DENND5B: variants seen among roughly 807,000 people sequenced by gnomAD.
DENND5B encodes DENN domain-containing protein 5B.
DENND5B carries 34 observed loss-of-function variants against 140.6 expected under a neutral mutation model. The observed-to-expected ratio is 0.24, with a 90% CI of 0.18 to 0.32. DENND5B has a LOEUF of 0.32. Among genes scored for constraint, DENND5B ranks in the 10% least tolerant of loss-of-function variants. The pLI, the probability that DENND5B is intolerant of heterozygous loss-of-function variation, is 1.00. For missense variants in DENND5B, 1,142 were observed against 1,560.2 expected, an observed-to-expected ratio of 0.73 and a Z score of 4.52; for synonymous variants, 551 against 562.1, an observed-to-expected ratio of 0.98 and a Z score of 0.28.
chr12:31,553,117 T>C (rs1023128132), intron 1 of DENND5B, among the ~76,000 whole-genome samples: 1 of 152,172 alleles, frequency 6.6e-6, no homozygotes, highest in African/African-American at 2.4e-5. Flanking sequence ...TTTGAATGTG[T>C]TTGCTCTTGC....
At chr12:31,516,068 C>T (rs1947629785) in intron 1 of DENND5B, among the ~76,000 whole-genome samples, 1 of 152,166 alleles carries the variant, frequency 6.6e-6, no homozygotes, top group African/African-American at 2.4e-5. Context: ...TAGGTTGCCC[C>T]TTGTTTATTG....
At chr12:31,549,129 G>A (rs1716191) in intron 1 of DENND5B, among the ~76,000 whole-genome samples, 2 of 152,068 alleles carry the variant, frequency 1.3e-5, no homozygotes, top group African/African-American at 2.4e-5. Flanking sequence ...TGAATTCCTG[G>A]CTTCAGGTGA....
In DENND5B at chr12:31,399,970, T is replaced by C. The variant is rs1011888979; in HGVS notation, c.2950-198A>G. 5.3e-5 allele frequency among the ~76,000 whole-genome samples: 8 copies of C among 152,172 alleles called. 1 individual carries two copies. The highest frequency in any genetic ancestry group is 1.9e-4 in the East Asian group (1 of 5,200). ...CTCCCACATAATGAGATAGGAGACA[T>C]ATGGACATTAACTACCAAATGAGGG... On this transcript the variant is annotated intron_variant, in intron 15 of 20. Transcript: ENST00000389082.
chr12:31,451,966 G>A lies in DENND5B; in HGVS notation c.1603C>T (p.Arg535Trp). ...TTGTCAAAGTTCTGCATCTGTTCCC[G>A]GTTGGTCAGCCAGGATTCCATGTCC... ...AQDMESWLTN[R>W]EQMQNFDKAS... is the part of the protein sequence containing the mutation. Residue 535 changes from arginine (R) to tryptophan (W), a missense_variant, in exon 5 of 21, where the codon CGG becomes TGG. Transcript: ENST00000389082. The A allele has an allele frequency of 3.1e-6, 5 of 1,613,510 alleles. No homozygotes were observed. Among genetic ancestry groups the A allele is most frequent in the African/African-American group, 1.3e-5 (1 of 74,948 alleles).
intron 1 of DENND5B, among the ~76,000 whole-genome samples, chr12:31,566,056 G>T (rs1320635299): frequency 1.3e-5 from 2 of 152,158 alleles, no homozygotes; most frequent in Non-Finnish European, 2.9e-5. Context: ...AGGGTGGAAG[G>T]ATCGCTTGAA....
intron 7 of DENND5B, 67 bp from the exon 8 acceptor site, chr12:31,433,315 C>T (rs1384393645): frequency 6.0e-6 from 8 of 1,333,316 alleles, no homozygotes; most frequent in Non-Finnish European, 7.3e-6. Context: ...AACCATTCAA[C>T]ACAAAAGACT....
At position 31,442,790 on chromosome 12, in the gene DENND5B, C is replaced by T; in HGVS notation, c.1997G>A (p.Gly666Glu). 6.2e-7 allele frequency: 1 copy of T among 1,613,498 alleles called. No individual in the cohort carries two copies. The highest frequency in any genetic ancestry group is 1.7e-5 in the Admixed American group (1 of 59,968). ...ACATGCTTACTTGTTACTGGTTGGT[C>T]CTGTTGCCAAGACATCGGACTGTAA... is the stretch of plus-strand genomic sequence containing the variant. ...PKLQSDVLAT[G>E]PTSNNRWVSR... The change falls in exon 7 of 21, where the codon GGA (glycine) becomes GAA (glutamate). Residue 666 changes from glycine (G) to glutamate (E), a missense_variant. Gly to Glu is a moderately conservative substitution (Grantham distance 98). Coordinates refer to ENST00000389082, the MANE Select transcript of DENND5B (RefSeq NM_144973.4).
At chr12:31,401,628 GTTTGT>G (rs547982535) in intron 15 of DENND5B, among the ~76,000 whole-genome samples, 5 of 152,046 alleles carry the variant, frequency 3.3e-5, no homozygotes, top group Admixed American at 6.6e-5. Flanking sequence ...AAAGGTGGCT[GTTTGT>G]TTTGTTTTGT....
intron 3 of DENND5B, among the ~76,000 whole-genome samples, chr12:31,463,754 T>C (rs781260299): frequency 6.6e-6 from 1 of 152,136 alleles, no homozygotes; most frequent in African/African-American, 2.4e-5. Flanking sequence ...CTCCACTTCC[T>C]GGGTTCAAGC....
chr12:31,452,656 T>G (rs1772541769), intron 4 of DENND5B, among the ~76,000 whole-genome samples, 180 bp from the exon 5 acceptor site: 1 of 152,106 alleles, frequency 6.6e-6, no homozygotes, highest in African/African-American at 2.4e-5. Flanking sequence ...AGATTCTGTT[T>G]CTACAAAAAG....
At chr12:31,452,553 C>T in intron 4 of DENND5B, 77 bp from the exon 5 acceptor site, 1 of 1,422,766 alleles carries the variant, frequency 7.0e-7, no homozygotes. Flanking sequence ...CAGCCAGCCA[C>T]AGTGGCTCAC....
At chr12:31,472,767 G>C (rs1289967044) in intron 3 of DENND5B, among the ~76,000 whole-genome samples, 1 of 152,062 alleles carries the variant, frequency 6.6e-6, no homozygotes, top group Non-Finnish European at 1.5e-5. Context: ...GAATTGCTTG[G>C]GGATATATAG....
chr12:31,394,856 G>T (rs1175428871), intron 17 of DENND5B, among the ~76,000 whole-genome samples: 1 of 151,952 alleles, frequency 6.6e-6, no homozygotes, highest in Non-Finnish European at 1.5e-5. Flanking sequence ...CTTGTGATCC[G>T]CCCGTCTTGG....
chr12:31,529,894 G>A (rs1186360487), intron 1 of DENND5B, among the ~76,000 whole-genome samples: 1 of 152,076 alleles, frequency 6.6e-6, no homozygotes, highest in Non-Finnish European at 1.5e-5. Context: ...TCCCAAAAAT[G>A]CACTTAGCAC....
chr12:31,403,390 CTTTTTTTTTTT>C (rs11340235), intron 14 of DENND5B, among the ~76,000 whole-genome samples: 1 of 140,746 alleles, frequency 7.1e-6, no homozygotes, highest in South Asian at 2.3e-4. Context: ...CTTTTTTTTT[CTTTTTTTTTTT>C]TGCCAACATG....
chr12:31,466,147 G>A (rs994504527), intron 3 of DENND5B, among the ~76,000 whole-genome samples: 1 of 152,110 alleles, frequency 6.6e-6, no homozygotes, highest in African/African-American at 2.4e-5. Context: ...AAGGTCAAGA[G>A]ATCGAGACCA....
intron 1 of DENND5B, among the ~76,000 whole-genome samples, chr12:31,571,168 C>G (rs149089244): frequency 6.6e-6 from 1 of 151,096 alleles, no homozygotes; most frequent in Admixed American, 6.6e-5. Context: ...AAACATCACT[C>G]TTTCTTAGCA....
At position 31,383,109 on chromosome 12, in the gene DENND5B, A is replaced by C. The variant is rs905433206; in HGVS notation, c.*4494T>G. 6.6e-6 allele frequency: 1 copy of C among 152,178 alleles called. No individual in the cohort carries two copies. The highest frequency in any genetic ancestry group is 2.1e-4 in the South Asian group (1 of 4,826). 9.4% of individuals were successfully genotyped at this position (152,178 alleles called of 1,614,324 possible). On this transcript the variant is annotated 3_prime_UTR_variant, in exon 21 of 21. Transcript: ENST00000389082. Reference sequence around the variant, plus strand: ...TGTTAATACTGAAATATAAATAGCTAAAGTTCAGATTGTCTTTTCAACATA... The same window carrying C: ...TGTTAATACTGAAATATAAATAGCTCAAGTTCAGATTGTCTTTTCAACATA...
chr12:31,419,921 C>T, intron 11 of DENND5B: 5 of 748,814 alleles, frequency 6.7e-6, no homozygotes, highest in Non-Finnish European at 7.9e-6. Flanking sequence ...TGCAGTGAGC[C>T]AAGACTGCGC....
Sources: gnomAD v4.1 joint callset for allele counts (sites outside exome capture counted in the v4.1 genomes callset) on GRCh38, gnomAD v4.1.1 for gene constraint, MANE v1.5 for transcripts, NCBI Gene and HGNC (gene_info 2026-07-23, HGNC 2026-07-21) for gene names.